Variants in SFT2D1 observed in about 807,000 individuals in gnomAD.
SFT2D1 encodes vesicle transport protein SFT2A.
Under a neutral mutation model 28.1 loss-of-function variants are expected in SFT2D1, and 24 were observed. The ratio of observed to expected loss-of-function variants is 0.85; its 90% CI spans 0.62 to 1.20. SFT2D1 has a LOEUF of 1.20. SFT2D1 is among the 50% of genes most tolerant of loss of function. The probability of loss-of-function intolerance (pLI) is 0.00; values close to 1 mark genes in which losing one functional copy is unlikely to be tolerated. For missense variants in SFT2D1, 181 were observed against 190.9 expected (o/e 0.95, Z 0.31); for synonymous variants, 82 against 73.7 (o/e 1.11, Z -0.58).
At chr6:166,322,768 G>C in intron 7 of SFT2D1, 89 bp downstream of exon 7, 1 of 973,908 alleles carries the variant, frequency 1.0e-6, no homozygotes, top group Non-Finnish European at 1.6e-6. Context: ...GGTTTAAATA[G>C]TATTTTTATG....
At chr6:166,335,459 C>T (rs1352437917) in intron 1 of SFT2D1, 29 of 538,918 alleles carry the variant, frequency 5.4e-5, no homozygotes, top group Admixed American at 1.4e-4. Context: ...TGGTGGAGAA[C>T]AATACTTTGC....
At chr6:166,335,801 G>T (rs192430288) in intron 1 of SFT2D1, among the ~76,000 whole-genome samples, 1 of 152,232 alleles carries the variant, frequency 6.6e-6, no homozygotes, top group African/African-American at 2.4e-5. Context: ...CCAGAGAAGC[G>T]ATAGGGAAGC....
rs201463834 is a variant in SFT2D1, at chr6:166,330,260, T to C, written c.64-13A>G. The stretch of plus-strand genomic sequence containing the variant: ...AGGCATCCAGGACCTTAATAAAAAA[T>C]GGGAAAATTTAGAATATAGTCTTAA... On this transcript the variant is annotated splice_polypyrimidine_tract_variant and intron_variant, in intron 1 of 7. Coordinates refer to ENST00000361731, the MANE Select transcript of SFT2D1 (RefSeq NM_145169.3). The C allele has an allele frequency of 9.6e-5, 151 of 1,567,990 alleles. No homozygotes were observed. Among genetic ancestry groups the C allele is most frequent in the Non-Finnish European group, 1.2e-4 (142 of 1,156,310 alleles).
intron 1 of SFT2D1, chr6:166,334,875 G>C: frequency 2.4e-6 from 1 of 417,456 alleles, no homozygotes; most frequent in Non-Finnish European, 4.6e-6. Context: ...TCAAAGACGA[G>C]GTGCCCAACT....
At chr6:166,340,831 A>G (rs1316671433) in intron 1 of SFT2D1, among the ~76,000 whole-genome samples, 1 of 152,258 alleles carries the variant, frequency 6.6e-6, no homozygotes, top group East Asian at 1.9e-4. Context: ...ATATGCAGGA[A>G]CTTGAATATT....
At position 166,326,176 on chromosome 6, in the gene SFT2D1, G is replaced by A; in HGVS notation, c.316-9C>T. Reference sequence around the variant, plus strand: ...GTAAATATGAAACACAACTACAGGGGAAGAAAGAGTAGATTATAAGTTTGA... The same window carrying A: ...GTAAATATGAAACACAACTACAGGGAAAGAAAGAGTAGATTATAAGTTTGA... On this transcript the variant is annotated splice_polypyrimidine_tract_variant and intron_variant, in intron 4 of 7. Transcript: ENST00000361731. 1 of 1,612,232 alleles carries A rather than the reference G, an allele frequency of 6.2e-7. No homozygotes were observed. Among genetic ancestry groups the A allele is most frequent in the Non-Finnish European group, 8.5e-7 (1 of 1,178,586 alleles).
At chr6:166,335,241 T>C in intron 1 of SFT2D1, 1 of 592,162 alleles carries the variant, frequency 1.7e-6, no homozygotes, top group South Asian at 1.4e-5. Context: ...GAAATTTCAG[T>C]GGTCATGATG....
rs912911033 is a variant in SFT2D1 at position 166,326,021 on chromosome 6, G to C, written c.351+111C>G. On this transcript the variant is annotated intron_variant, in intron 5 of 7. Coordinates refer to ENST00000361731, the MANE Select transcript of SFT2D1 (RefSeq NM_145169.3). ...AAATTTTAGGAACACCTAATCTTTA[G>C]AGAGTTTTAAAAAAACAGATGAGCT... 4.7e-6 allele frequency: 5 copies of C among 1,068,358 alleles called. No individual in the cohort carries two copies. In the South Asian group the frequency reaches 5.4e-5, roughly 12 times the overall value. 66.2% of individuals were successfully genotyped at this position (1,068,358 alleles called of 1,614,324 possible).
intron 1 of SFT2D1, among the ~76,000 whole-genome samples, chr6:166,333,082 T>C (rs1270759003): frequency 2.0e-5 from 3 of 152,176 alleles, no homozygotes; most frequent in Non-Finnish European, 4.4e-5. Context: ...TGACACTGAA[T>C]CCAGTATTCC....
rs1171595194 is a variant in SFT2D1, at chr6:166,324,519, G to A, written c.410+18C>T. On this transcript the variant is annotated intron_variant, in intron 6 of 7. Transcript: ENST00000361731. ...CTCAGGCAATTTTAACACTTCACTAGGGTAAGGAAAGACTTACCAGGTCAT... is the reference window on the plus strand; with the variant it reads ...CTCAGGCAATTTTAACACTTCACTAAGGTAAGGAAAGACTTACCAGGTCAT... The A allele has an allele frequency of 1.2e-6, 2 of 1,605,232 alleles. No homozygotes were observed. Among genetic ancestry groups the A allele is most frequent in the East Asian group, 2.2e-5 (1 of 44,714 alleles).
At chr6:166,335,382 A>G in intron 1 of SFT2D1, 1 of 573,304 alleles carries the variant, frequency 1.7e-6, no homozygotes, top group Non-Finnish European at 3.4e-6. Flanking sequence ...AATTACAACA[A>G]TCAGCCTTCA....
At chr6:166,335,301 G>C in intron 1 of SFT2D1, 1 of 578,936 alleles carries the variant, frequency 1.7e-6, no homozygotes, top group Non-Finnish European at 3.3e-6. Flanking sequence ...AGTGGCAGCA[G>C]GGATGGCTGT....
chr6:166,326,343 T>C (rs1459669344), intron 4 of SFT2D1, among the ~76,000 whole-genome samples, 176 bp from the exon 5 acceptor site: 1 of 152,246 alleles, frequency 6.6e-6, no homozygotes, highest in Non-Finnish European at 1.5e-5. Context: ...TTAAAGTCTA[T>C]GACTGCAATA....
chr6:166,336,440 T>C (rs1158249150), intron 1 of SFT2D1, among the ~76,000 whole-genome samples: 1 of 152,228 alleles, frequency 6.6e-6, no homozygotes, highest in Non-Finnish European at 1.5e-5. Flanking sequence ...CATCCATAAT[T>C]GTATGTAGCT....
chr6:166,338,634 TGAG>T (rs1232618664), intron 1 of SFT2D1, among the ~76,000 whole-genome samples: 1 of 149,896 alleles, frequency 6.7e-6, no homozygotes, highest in African/African-American at 2.5e-5. Flanking sequence ...TGGCTCCAAC[TGAG>T]GAGGAGAAAG....
chr6:166,324,911 C>T (rs943446709), intron 5 of SFT2D1, among the ~76,000 whole-genome samples: 2 of 152,126 alleles, frequency 1.3e-5, no homozygotes, highest in Admixed American at 1.3e-4. Flanking sequence ...TCAATGTTAA[C>T]TTATCTAGAA....
intron 6 of SFT2D1, 168 bp downstream of exon 6, chr6:166,324,369 G>A (rs1157657078): frequency 1.4e-5 from 8 of 565,378 alleles, no homozygotes; most frequent in East Asian, 3.0e-5. Flanking sequence ...ACTGAGCCAC[G>A]CTGTCAAGTG....
In SFT2D1 at chr6:166,342,399, C is replaced by A. The variant is rs750500888; in HGVS notation, c.63+20G>T. 4 of 1,547,954 alleles carry A rather than the reference C, an allele frequency of 2.6e-6. No individual in the cohort carries two copies. The highest frequency in any genetic ancestry group is 2.4e-5 in the South Asian group (2 of 83,954). ...GCCAGCGGGCAGCCCCGGGACTGGA[C>A]GAGGGCGCAAGTTCGCTACCTGCGC... is the stretch of plus-strand genomic sequence containing the variant. On this transcript the variant is annotated intron_variant, in intron 1 of 7. Coordinates refer to ENST00000361731, the MANE Select transcript of SFT2D1 (RefSeq NM_145169.3).
At chr6:166,337,809 C>T (rs1220965872) in intron 1 of SFT2D1, among the ~76,000 whole-genome samples, 2 of 152,126 alleles carry the variant, frequency 1.3e-5, no homozygotes, top group African/African-American at 4.8e-5. Context: ...CTTGTCTCAA[C>T]CTGTGTGCTA....
Sources: gnomAD v4.1 joint callset for allele counts (sites outside exome capture counted in the v4.1 genomes callset) on GRCh38, gnomAD v4.1.1 for gene constraint, MANE v1.5 for transcripts, NCBI Gene and HGNC (gene_info 2026-07-23, HGNC 2026-07-21) for gene names.